CLDN16: variants seen among roughly 807,000 people sequenced by gnomAD.
CLDN16 encodes claudin 16, also known as claudin-16.
Under a neutral mutation model 24.6 loss-of-function variants are expected in CLDN16, and 13 were observed. That is an observed-to-expected ratio of 0.53 (90% confidence interval 0.34 to 0.84). The LOEUF is 0.84. Ranked by LOEUF, CLDN16 falls within the 40% of genes least tolerant of loss-of-function variation. The probability of loss-of-function intolerance (pLI) is 0.01; values close to 1 mark genes in which losing one functional copy is unlikely to be tolerated. For missense variants in CLDN16, 298 were observed against 292.7 expected, an observed-to-expected ratio of 1.02 and a Z score of -0.13; for synonymous variants, 116 against 106.7, an observed-to-expected ratio of 1.09 and a Z score of -0.54.
chr3:190,408,478 C>T lies in CLDN16; in HGVS notation c.547C>T (p.Leu183Phe). ...SLGCFLAGAVLTCCLYLFKDV... is the reference protein window; with the variant it reads ...SLGCFLAGAVFTCCLYLFKDV... The stretch of plus-strand genomic sequence containing the variant: ...GGGTTGCTTTTTGGCTGGAGCTGTT[C>T]TCACCTGCTGCTTATATCTTTTTAA... The change falls in exon 4 of 5, where the codon CTC becomes TTC. Residue 183 changes from leucine to phenylalanine, a missense_variant. Transcript: ENST00000264734. 3 of 1,613,976 alleles carry T rather than the reference C, an allele frequency of 1.9e-6. No homozygotes were observed. Among genetic ancestry groups the T allele is most frequent in the Non-Finnish European group, 1.7e-6 (2 of 1,179,972 alleles).
chr3:190,324,568 G>A (rs1717017712), intron 1 of CLDN16, among the ~76,000 whole-genome samples: 2 of 152,190 alleles, frequency 1.3e-5, no homozygotes, highest in South Asian at 4.1e-4. Flanking sequence ...CTTTTACTCT[G>A]CATTACAACT....
intron 1 of CLDN16, among the ~76,000 whole-genome samples, chr3:190,390,511 C>A (rs1008710112): frequency 6.6e-6 from 1 of 150,988 alleles, no homozygotes; most frequent in African/African-American, 2.4e-5. Context: ...TCCAGCCTGG[C>A]GACAGAGCGA....
At chr3:190,322,976 G>T (rs1245350403) in intron 1 of CLDN16, among the ~76,000 whole-genome samples, 1 of 141,518 alleles carries the variant, frequency 7.1e-6, no homozygotes, top group South Asian at 2.2e-4. Flanking sequence ...TACAGATTGG[G>T]AAACAGACCC....
intron 3 of CLDN16, among the ~76,000 whole-genome samples, chr3:190,375,031 A>C (rs1323482628): frequency 1.3e-5 from 2 of 151,946 alleles, no homozygotes; most frequent in East Asian, 3.9e-4. Context: ...TATACTTATA[A>C]AACTTTTAAA....
intron 2 of CLDN16, among the ~76,000 whole-genome samples, chr3:190,373,018 G>A (rs1718174000): frequency 6.6e-6 from 1 of 151,888 alleles, no homozygotes. Context: ...TCTTCAAAGG[G>A]CAGCCCCTTT....
the CLDN16 span, among the ~76,000 whole-genome samples, chr3:190,295,097 C>T: frequency 6.6e-6 from 1 of 152,044 alleles, no homozygotes; most frequent in African/African-American, 2.4e-5. Context: ...GCAAGACACG[C>T]TCATATTCAT....
chr3:190,392,817 G>A, intron 1 of CLDN16, among the ~76,000 whole-genome samples: 2 of 152,110 alleles, frequency 1.3e-5, no homozygotes, highest in East Asian at 1.9e-4. Flanking sequence ...AGAATACAGG[G>A]GTTGGGTCAT....
the CLDN16 span, among the ~76,000 whole-genome samples, chr3:190,299,557 T>TA: frequency 6.6e-6 from 1 of 152,094 alleles, no homozygotes; most frequent in East Asian, 1.9e-4. Flanking sequence ...TGAATTTTTT[T>TA]TATATTTAAG....
intron 1 of CLDN16, among the ~76,000 whole-genome samples, chr3:190,333,462 A>G (rs1032350189): frequency 2.6e-5 from 4 of 152,306 alleles, no homozygotes; most frequent in East Asian, 3.9e-4. Context: ...AAAATTTTAT[A>G]TAATACCAGT....
intron 1 of CLDN16, among the ~76,000 whole-genome samples, chr3:190,357,362 C>G (rs1263842619): frequency 6.6e-6 from 1 of 151,952 alleles, no homozygotes; most frequent in African/African-American, 2.4e-5. Flanking sequence ...CTCATATTCA[C>G]TGTGTCCTCT....
chr3:190,408,852 C>T (rs923731626), intron 4 of CLDN16, among the ~76,000 whole-genome samples: 11 of 146,708 alleles, frequency 7.5e-5, no homozygotes, highest in African/African-American at 1.2e-4. Flanking sequence ...TATATATACA[C>T]ATATAGTATA....
the CLDN16 span, among the ~76,000 whole-genome samples, chr3:190,297,782 A>G: frequency 6.7e-6 from 1 of 149,530 alleles, no homozygotes; most frequent in African/African-American, 2.4e-5. Flanking sequence ...ATACCTGAAA[A>G]AAAAAAAACC....
In CLDN16 at chr3:190,411,751, T is replaced by C. The variant is rs1286260666; in HGVS notation, c.*1715T>C. On this transcript the variant is annotated 3_prime_UTR_variant, in exon 5 of 5. Coordinates refer to ENST00000264734, the MANE Select transcript of CLDN16 (RefSeq NM_006580.4). ...AAGCAGTTCCAATCTAGTTGGAGAA[T>C]TAACAGCAATTGATTTAACTATCTC... The C allele has an allele frequency of 6.6e-6, 1 of 152,190 alleles. No individual in the cohort carries two copies. The highest frequency in any genetic ancestry group is 2.4e-5 in the African/African-American group (1 of 41,460). 9.4% of individuals were successfully genotyped at this position (152,190 alleles called of 1,614,324 possible).
intron 1 of CLDN16, among the ~76,000 whole-genome samples, chr3:190,334,673 G>C (rs956247470): frequency 1.3e-5 from 2 of 152,222 alleles, no homozygotes; most frequent in African/African-American, 4.8e-5. Context: ...AGATGTTGTT[G>C]GTAACCACCA....
intron 1 of CLDN16, among the ~76,000 whole-genome samples, chr3:190,357,172 T>A (rs1691539907): frequency 6.6e-6 from 1 of 151,884 alleles, no homozygotes; most frequent in Non-Finnish European, 1.5e-5. Context: ...AGGATTAACA[T>A]CCTCCTATGA....
At chr3:190,392,609 G>A (rs946722171) in intron 1 of CLDN16, among the ~76,000 whole-genome samples, 9 of 152,158 alleles carry the variant, frequency 5.9e-5, no homozygotes, top group African/African-American at 1.9e-4. Flanking sequence ...GGCTCACTTG[G>A]TCTTGGATAA....
chr3:190,311,814 C>T, the CLDN16 span, among the ~76,000 whole-genome samples: 1 of 151,676 alleles, frequency 6.6e-6, no homozygotes, highest in African/African-American at 2.4e-5. Context: ...TATACATACA[C>T]TATAATTTTT....
chr3:190,388,189 C>T lies in CLDN16; in HGVS notation c.-141C>T. 2 of 1,614,052 alleles carry T rather than the reference C, an allele frequency of 1.2e-6. No individual in the cohort carries two copies. The highest frequency in any genetic ancestry group is 8.5e-7 in the Non-Finnish European group (1 of 1,179,986). On this transcript the variant is annotated 5_prime_UTR_variant, in exon 1 of 5. Coordinates refer to ENST00000264734, the MANE Select transcript of CLDN16 (RefSeq NM_006580.4). ...TTCTTACTGCAACTCAAGACACCTG[C>T]AGCAGGGCGTGAGAAAAAGTAAAAG...
intron 3 of CLDN16, among the ~76,000 whole-genome samples, chr3:190,375,912 C>T (rs78428316): frequency 0.062 from 9,372 of 151,764 alleles, 794 homozygotes; most frequent in African/African-American, 0.19. Flanking sequence ...TGTCACCTGG[C>T]TTCAAACGTA....
Sources: gnomAD v4.1 joint callset for allele counts (sites outside exome capture counted in the v4.1 genomes callset) on GRCh38, gnomAD v4.1.1 for gene constraint, MANE v1.5 for transcripts, NCBI Gene and HGNC (gene_info 2026-07-23, HGNC 2026-07-21) for gene names.